ZNF529: variants seen among roughly 807,000 people sequenced by gnomAD.
The protein encoded by ZNF529 is zinc finger protein 529.
ZNF529 carries 11 observed loss-of-function variants against 10.1 expected under a neutral mutation model. That is an observed-to-expected ratio of 1.09 (90% confidence interval 0.69 to 1.81). ZNF529 has a LOEUF of 1.81. Among genes scored for constraint, ZNF529 ranks in the 40% most tolerant of loss-of-function variants. ZNF529 has a pLI of 0.00. For synonymous variants in ZNF529, 204 were observed against 215.7 expected (o/e 0.95, Z 0.47); for missense variants, 624 against 666.8 (o/e 0.94, Z 0.71).
chr19:36,600,057 C>T (rs2967455), intron 1 of ZNF529, among the ~76,000 whole-genome samples: 51,471 of 151,458 alleles, frequency 0.34, 9,328 homozygotes, highest in African/African-American at 0.48. Flanking sequence ...TTAGTAGAGA[C>T]GGGGTTTCAC....
rs1299462649 is a variant in ZNF529 at position 36,573,265 on chromosome 19, G to C, written c.-172C>G. 1.3e-5 allele frequency: 4 copies of C among 301,066 alleles called. No homozygotes were observed. In the East Asian group the frequency reaches 2.7e-4, roughly 20 times the overall value. 18.6% of individuals were successfully genotyped at this position (301,066 alleles called of 1,614,324 possible). On this transcript the variant is annotated 5_prime_UTR_variant, in exon 1 of 5. Transcript: ENST00000591340. ...CCCGCAGCCCGGCCCGGGTCACCTC[G>C]ACTCGCCAGGCTTAACTCAATAACC...
intron 4 of ZNF529, chr19:36,552,062 A>G (rs1455356407): frequency 6.6e-6 from 1 of 152,174 alleles, no homozygotes; most frequent in Admixed American, 6.6e-5. Flanking sequence ...GAACTGGAAA[A>G]CAGTTGGTGG....
At position 36,602,456 on chromosome 19, in the gene ZNF529, TC is replaced by T. The variant is rs1358963189; in HGVS notation, c.-128+2669del. Among the ~76,000 whole-genome samples, 113 of 148,456 alleles carry T rather than the reference TC, an allele frequency of 7.6e-4. 1 individual carries two copies. The highest frequency in any genetic ancestry group is 2.5e-3 in the African/African-American group (99 of 39,668). Reference sequence around the variant, plus strand: ...AATATTACTCTCCTTTTTTTTTTTTTCGTGGTCAACTATTAACAAAAAGTTA... The same window carrying T: ...AATATTACTCTCCTTTTTTTTTTTTTGTGGTCAACTATTAACAAAAAGTTA... On this transcript the variant is annotated intron_variant, in intron 1 of 4. Transcript: ENST00000585960.
chr19:36,557,865 C>A (rs1273601417), intron 2 of ZNF529, among the ~76,000 whole-genome samples: 1 of 152,174 alleles, frequency 6.6e-6, no homozygotes, highest in Non-Finnish European at 1.5e-5. Context: ...CCAGATTTAA[C>A]AGGCAAAGAC....
intron 2 of ZNF529, among the ~76,000 whole-genome samples, chr19:36,561,436 G>A (rs2035692124): frequency 6.7e-6 from 1 of 150,312 alleles, no homozygotes; most frequent in African/African-American, 2.5e-5. Flanking sequence ...AAGCTGGAGT[G>A]CAGTGGTGCG....
intron 1 of ZNF529, among the ~76,000 whole-genome samples, chr19:36,599,202 C>T (rs913807592): frequency 1.3e-5 from 2 of 152,204 alleles, no homozygotes; most frequent in African/African-American, 2.4e-5. Flanking sequence ...TCTCCTAAGA[C>T]TTCTGGTCTT....
At chr19:36,557,549 G>T (rs952713696) in intron 2 of ZNF529, among the ~76,000 whole-genome samples, 1 of 152,074 alleles carries the variant, frequency 6.6e-6, no homozygotes, top group Admixed American at 6.5e-5. Flanking sequence ...GAACAGTATG[G>T]GGGAAACCAC....
At chr19:36,565,235 G>A (rs1469231126) in intron 2 of ZNF529, among the ~76,000 whole-genome samples, 4 of 151,832 alleles carry the variant, frequency 2.6e-5, no homozygotes, top group African/African-American at 7.3e-5. Context: ...CCCCTGAATC[G>A]AAAATAAAAG....
At chr19:36,561,224 G>A (rs1331117038) in intron 2 of ZNF529, among the ~76,000 whole-genome samples, 1 of 152,136 alleles carries the variant, frequency 6.6e-6, no homozygotes, top group Non-Finnish European at 1.5e-5. Context: ...CCGGCACAGT[G>A]CTCCTTGGCT....
chr19:36,583,786 T>A (rs1438000204), intron 2 of ZNF529, among the ~76,000 whole-genome samples: 2 of 151,732 alleles, frequency 1.3e-5, no homozygotes, highest in East Asian at 3.9e-4. Context: ...ATAGAGAACA[T>A]AACAAGCACA....
chr19:36,604,197 T>G (rs940147608), intron 1 of ZNF529, among the ~76,000 whole-genome samples: 3 of 151,972 alleles, frequency 2.0e-5, no homozygotes, highest in Admixed American at 6.6e-5. Context: ...ACACACAAAA[T>G]CTTTGGAGAA....
At chr19:36,558,973 C>T (rs1404517521) in intron 2 of ZNF529, among the ~76,000 whole-genome samples, 4 of 149,472 alleles carry the variant, frequency 2.7e-5, no homozygotes, top group Admixed American at 2.7e-4. Flanking sequence ...AAGCAAAGAA[C>T]CTGATAGACA....
At position 36,545,421 on chromosome 19, in the gene ZNF529, G is replaced by C. The variant is rs912346967; in HGVS notation, c.*1445C>G. ...GCATGCCTGTAATCCCAGCTAATCA[G>C]GAGGCTGAGCAGGAGAATAGCCTGA... On this transcript the variant is annotated 3_prime_UTR_variant, in exon 5 of 5. Coordinates refer to ENST00000591340, the MANE Select transcript of ZNF529 (RefSeq NM_020951.5). 1 of 152,444 alleles carries C rather than the reference G, an allele frequency of 6.6e-6. No individual in the cohort carries two copies. The highest frequency in any genetic ancestry group is 1.5e-5 in the Non-Finnish European group (1 of 68,346). 9.4% of individuals were successfully genotyped at this position (152,444 alleles called of 1,614,324 possible). A position where few individuals can be genotyped will look rare whatever the true frequency, so the allele number is the denominator to read the frequency against.
At chr19:36,604,049 G>A (rs1377688477) in intron 1 of ZNF529, among the ~76,000 whole-genome samples, 1 of 152,104 alleles carries the variant, frequency 6.6e-6, no homozygotes, top group Non-Finnish European at 1.5e-5. Context: ...GCATGGTGGT[G>A]CATGCCTGTA....
At position 36,546,237 on chromosome 19, in the gene ZNF529, T is replaced by TATATA. The variant is rs2035015945; in HGVS notation, c.*628_*629insTATAT. 3.5e-5 allele frequency: 1 copy of TATATA among 28,618 alleles called. No individual in the cohort carries two copies. Among genetic ancestry groups the TATATA allele is most frequent in the East Asian group, 6.1e-4 (1 of 1,650 alleles). 1.8% of individuals were successfully genotyped at this position (28,618 alleles called of 1,614,324 possible). A position where few individuals can be genotyped will look rare whatever the true frequency, so the allele number is the denominator to read the frequency against. On this transcript the variant is annotated 3_prime_UTR_variant, in exon 5 of 5. Coordinates refer to ENST00000591340, the MANE Select transcript of ZNF529 (RefSeq NM_020951.5). ...GTGTATATACACTATATGTATATAG[T>TATATA]GTGTGTGTGTGTGTGTGTGTGTTAT...
At chr19:36,569,758 G>A (rs2036029318) in intron 2 of ZNF529, among the ~76,000 whole-genome samples, 1 of 152,150 alleles carries the variant, frequency 6.6e-6, no homozygotes, top group Admixed American at 6.5e-5. Context: ...GACAGGGCAA[G>A]ACTCTTGTTG....
intron 4 of ZNF529, among the ~76,000 whole-genome samples, chr19:36,552,747 C>T (rs1293723200): frequency 3.9e-5 from 6 of 152,094 alleles, no homozygotes; most frequent in African/African-American, 1.4e-4. Context: ...TTTTAAAATA[C>T]AGCTTTGAGA....
intron 2 of ZNF529, among the ~76,000 whole-genome samples, chr19:36,565,791 T>C (rs1464360519): frequency 6.6e-6 from 1 of 152,308 alleles, no homozygotes. Flanking sequence ...GTCCTCTTTA[T>C]TTCCCCAATA....
intron 4 of ZNF529, among the ~76,000 whole-genome samples, chr19:36,553,676 A>T (rs1300512014): frequency 6.6e-6 from 1 of 152,232 alleles, no homozygotes; most frequent in Non-Finnish European, 1.5e-5. Context: ...ATAACAAATC[A>T]GGACACACAG....
Sources: allele counts gnomAD v4.1 joint callset (sites outside exome capture counted in the v4.1 genomes callset), GRCh38; gene constraint gnomAD v4.1.1; transcripts MANE v1.5; gene names NCBI Gene and HGNC (gene_info 2026-07-23, HGNC 2026-07-21).